Variants in KCTD16 observed in about 807,000 individuals in gnomAD.
KCTD16 encodes the protein BTB/POZ domain-containing protein KCTD16.
Under a neutral mutation model 33.2 loss-of-function variants are expected in KCTD16, and 13 were observed. The ratio of observed to expected loss-of-function variants is 0.39; its 90% CI spans 0.25 to 0.62. KCTD16 has a LOEUF of 0.62. KCTD16 is among the 20% of genes least tolerant of loss of function. The pLI is 0.50. For synonymous variants in KCTD16, 197 were observed against 195.3 expected (o/e 1.01, Z -0.07); for missense variants, 441 against 525.1 (o/e 0.84, Z 1.57).
chr5:144,428,687 G>A (rs1485466823), intron 3 of KCTD16, among the ~76,000 whole-genome samples: 2 of 152,166 alleles, frequency 1.3e-5, no homozygotes, highest in Non-Finnish European at 2.9e-5. Context: ...GATATAGCAG[G>A]GGAAGTAAGT....
chr5:144,198,874 A>G (rs922769541), intron 2 of KCTD16, among the ~76,000 whole-genome samples: 4 of 152,206 alleles, frequency 2.6e-5, no homozygotes, highest in Non-Finnish European at 5.9e-5. Flanking sequence ...GATCAGTAAC[A>G]TCAACAGCAT....
intron 3 of KCTD16, among the ~76,000 whole-genome samples, chr5:144,262,761 T>A (rs1465384156): frequency 6.6e-6 from 1 of 152,222 alleles, no homozygotes; most frequent in Non-Finnish European, 1.5e-5. Context: ...ATCTTCAGTT[T>A]ATTTGATTCA....
At position 144,206,775 on chromosome 5, in the gene KCTD16, A is replaced by G. The variant is rs762054803; in HGVS notation, c.61A>G (p.Asn21Asp). ...TCGAGAACAAGGGTCCGCAGTTCCCAACTCCTTCCCTGAGGTGGTAGAGCT... is the reference window on the plus strand; with the variant it reads ...TCGAGAACAAGGGTCCGCAGTTCCCGACTCCTTCCCTGAGGTGGTAGAGCT... ...YPREQGSAVP[N>D]SFPEVVELNV... The change falls in exon 3 of 4, where the codon AAC becomes GAC. Residue 21 changes from asparagine to aspartate, a missense_variant. By Grantham distance (23) the Asn-to-Asp change is conservative. Around this residue, in one of 3 missense-constraint regions of KCTD16, gnomAD observed 80 missense variants for 88.5 expected, o/e 0.90. Transcript: ENST00000512467. 6.2e-7 allele frequency: 1 copy of G among 1,614,130 alleles called. No individual in the cohort carries two copies. The highest frequency in any genetic ancestry group is 1.7e-5 in the Admixed American group (1 of 60,022).
intron 3 of KCTD16, among the ~76,000 whole-genome samples, chr5:144,311,444 T>C (rs1240776176): frequency 2.0e-5 from 3 of 152,142 alleles, no homozygotes; most frequent in East Asian, 3.8e-4. Flanking sequence ...GGCACTCTAC[T>C]TCTAGGAAGT....
chr5:144,412,740 G>C (rs1752960033), intron 3 of KCTD16, among the ~76,000 whole-genome samples: 2 of 152,068 alleles, frequency 1.3e-5, no homozygotes, highest in African/African-American at 4.8e-5. Flanking sequence ...ACAAAAATTA[G>C]CTGGGCATGG....
chr5:144,207,266 C>T lies in KCTD16; in HGVS notation c.552C>T (p.Ala184=), dbSNP rs770082687. The change falls in exon 3 of 4, where the codon GCC becomes GCT. Residue 184 remains alanine (A), a synonymous_variant. Transcript: ENST00000512467. ...CTLGREGQAD[A]KFRRVPRILV... ...TGGGCAGAGAGGGACAGGCAGATGC[C>T]AAGTTTCGGAGAGTTCCCCGGATTT... 4 of 1,614,162 alleles carry T rather than the reference C, an allele frequency of 2.5e-6. No individual in the cohort carries two copies. The highest frequency in any genetic ancestry group is 3.4e-6 in the Non-Finnish European group (4 of 1,180,026).
chr5:144,434,844 G>A (rs1753540598), intron 3 of KCTD16, among the ~76,000 whole-genome samples: 1 of 152,116 alleles, frequency 6.6e-6, no homozygotes, highest in African/African-American at 2.4e-5. Flanking sequence ...CAACATTGTG[G>A]GAGCCAAGGA....
chr5:144,205,777 G>C (rs1189429929), intron 2 of KCTD16: 4 of 391,662 alleles, frequency 1.0e-5, no homozygotes, highest in African/African-American at 8.2e-5. Flanking sequence ...AACTTTTTTT[G>C]CGACTTGTTT....
At chr5:144,181,054 T>G (rs1463445653) in intron 2 of KCTD16, among the ~76,000 whole-genome samples, 1 of 151,878 alleles carries the variant, frequency 6.6e-6, no homozygotes, top group Non-Finnish European at 1.5e-5. Context: ...TGCCTCAGCC[T>G]CCCGAGTAGC....
In KCTD16 at chr5:144,476,544, A is replaced by G. The variant is rs956515628; in HGVS notation, c.*2430A>G. 6.6e-6 allele frequency: 1 copy of G among 152,194 alleles called. No individual in the cohort carries two copies. The highest frequency in any genetic ancestry group is 1.5e-5 in the Non-Finnish European group (1 of 68,032). 9.4% of individuals were successfully genotyped at this position (152,194 alleles called of 1,614,324 possible). A position where few individuals can be genotyped will look rare whatever the true frequency, so the allele number is the denominator to read the frequency against. ...TGGAATAGAAAACCTGTTTAAAACC[A>G]TCACAACAGCAATATTTTTATTCTG... On this transcript the variant is annotated 3_prime_UTR_variant, in exon 4 of 4. Coordinates refer to ENST00000512467, the MANE Select transcript of KCTD16 (RefSeq NM_020768.4).
intron 3 of KCTD16, among the ~76,000 whole-genome samples, chr5:144,309,712 T>A (rs1477626885): frequency 6.6e-6 from 1 of 152,156 alleles, no homozygotes; most frequent in East Asian, 1.9e-4. Flanking sequence ...GCTTCTTAAA[T>A]AACTCACACA....
chr5:144,193,330 C>T (rs1371642489), intron 2 of KCTD16, among the ~76,000 whole-genome samples: 1 of 152,134 alleles, frequency 6.6e-6, no homozygotes, highest in Non-Finnish European at 1.5e-5. Context: ...CACCCTTGCT[C>T]ATTGGGATCC....
At chr5:144,382,925 A>G (rs1460030796) in intron 3 of KCTD16, 1 of 152,210 alleles carries the variant, frequency 6.6e-6, no homozygotes, top group East Asian at 1.9e-4. Flanking sequence ...TTCACATGCT[A>G]TTCCAAATAT....
intron 3 of KCTD16, among the ~76,000 whole-genome samples, chr5:144,423,821 A>T (rs1423594550): frequency 6.6e-6 from 1 of 152,124 alleles, no homozygotes; most frequent in Non-Finnish European, 1.5e-5. Context: ...ATTCCCTGGG[A>T]ATTATGCTTT....
At chr5:144,345,347 A>G (rs1169707524) in intron 3 of KCTD16, among the ~76,000 whole-genome samples, 2 of 152,110 alleles carry the variant, frequency 1.3e-5, no homozygotes, top group African/African-American at 2.4e-5. Context: ...TAAAACTTAA[A>G]GTATAATAAT....
intron 3 of KCTD16, among the ~76,000 whole-genome samples, chr5:144,299,044 CTATATATATATATATATA>C (rs10589565): frequency 1.4e-4 from 5 of 35,958 alleles, no homozygotes; most frequent in Non-Finnish European, 2.8e-4. Context: ...AAACAGATCA[CTATATATATATATATATA>C]TATATATATA....
intron 3 of KCTD16, chr5:144,384,166 C>G (rs1440116190): frequency 6.6e-6 from 1 of 152,162 alleles, no homozygotes; most frequent in East Asian, 1.9e-4. Context: ...ATGCTCTTCT[C>G]TCATGCAGAT....
intron 3 of KCTD16, chr5:144,385,131 T>C (rs192091434): frequency 6.3e-4 from 96 of 152,284 alleles, no homozygotes; most frequent in African/African-American, 2.3e-3. Flanking sequence ...AAGATAATAA[T>C]ATATGAGCGA....
rs140243739 is a variant in KCTD16, at chr5:144,389,169, A to G, written c.833-84491A>G. ...GCTATGTGAGCAAGTCATTAGAAAT[A>G]AATTGTTGCTGAAGGTAGAAATCAT... On this transcript the variant is annotated intron_variant, in intron 3 of 3. Coordinates refer to ENST00000512467, the MANE Select transcript of KCTD16 (RefSeq NM_020768.4). Among the ~76,000 whole-genome samples, 28 of 152,296 alleles carry G rather than the reference A, an allele frequency of 1.8e-4. No homozygotes were observed. The East Asian group carries it at 4.4e-3, about 24-fold the overall frequency.
Sources: gnomAD v4.1 joint callset for allele counts (sites outside exome capture counted in the v4.1 genomes callset) on GRCh38, gnomAD v4.1.1 for gene constraint, gnomAD v4.1.1 regional missense constraint, MANE v1.5 for transcripts, NCBI Gene and HGNC (gene_info 2026-07-23, HGNC 2026-07-21) for gene names.